The following DHRS7B variants were observed in gnomAD, a reference collection of about 807,000 sequenced individuals.
DHRS7B encodes dehydrogenase/reductase 7B, also known as peroxisomal reductase activating PPAR-gamma.
A neutral mutation model predicts 26.4 loss-of-function variants in DHRS7B; 24 were observed. That is an observed-to-expected ratio of 0.91 (90% CI 0.66 to 1.28). The LOEUF (loss-of-function observed/expected upper bound fraction) is 1.28, where lower values mean the gene tolerates loss of function less well. Among genes scored for constraint, DHRS7B ranks in the 50% most tolerant of loss-of-function variants. DHRS7B has a pLI of 0.00. For synonymous variants in DHRS7B, 142 were observed against 166.4 expected (o/e 0.85, Z 1.13); for missense variants, 368 against 419.4 (o/e 0.88, Z 1.07).
At chr17:21,172,442 G>A (rs542857674) in intron 2 of DHRS7B, 181 of 536,596 alleles carry the variant, frequency 3.4e-4, no homozygotes, top group African/African-American at 3.3e-3. Context: ...CCCCGGGGGT[G>A]GGGTGGGGTG....
At chr17:21,157,501 A>G (rs893951977) in intron 1 of DHRS7B, among the ~76,000 whole-genome samples, 1 of 152,076 alleles carries the variant, frequency 6.6e-6, no homozygotes, top group African/African-American at 2.4e-5. Flanking sequence ...ATTCAAGACC[A>G]GCTTGGGCAA....
At chr17:21,133,428 G>A (rs1973281078) in intron 1 of DHRS7B, among the ~76,000 whole-genome samples, 1 of 152,128 alleles carries the variant, frequency 6.6e-6, no homozygotes, top group South Asian at 2.1e-4. Flanking sequence ...CCCCCTTCAG[G>A]GGCTTCCAGG....
intron 1 of DHRS7B, among the ~76,000 whole-genome samples, chr17:21,147,229 G>C (rs1973660806): frequency 1.3e-5 from 2 of 152,182 alleles, no homozygotes; most frequent in Non-Finnish European, 2.9e-5. Context: ...CGCTGCCACT[G>C]TTGTAGGCCA....
At chr17:21,176,435 CTACAAAAA>C (rs780762388) in intron 2 of DHRS7B, among the ~76,000 whole-genome samples, 4 of 151,974 alleles carry the variant, frequency 2.6e-5, no homozygotes, top group Admixed American at 1.3e-4. Context: ...ATCTCCATCT[CTACAAAAA>C]TACAAAAATT....
intron 1 of DHRS7B, among the ~76,000 whole-genome samples, chr17:21,129,766 T>G (rs1252357239): frequency 1.3e-5 from 2 of 151,486 alleles, no homozygotes; most frequent in Non-Finnish European, 2.9e-5. Context: ...TGGAATGTAT[T>G]ATGGATAATA....
In DHRS7B at chr17:21,175,758, C is replaced by T. The variant is rs187708476; in HGVS notation, c.200-2475C>T. ...TTCTAGAGCAGCCTGGGCAACATGG[C>T]GAAACCTCATCTCTACAAAAGTTAG... On this transcript the variant is annotated intron_variant, in intron 2 of 6. Coordinates refer to ENST00000395511, the MANE Select transcript of DHRS7B (RefSeq NM_015510.5). 1.3e-4 allele frequency among the ~76,000 whole-genome samples: 20 copies of T among 151,916 alleles called. No individual in the cohort carries two copies. In the South Asian group the frequency reaches 1.9e-3, roughly 14 times the overall value.
rs139173260 is a variant in DHRS7B at position 21,171,048 on chromosome 17, C to CG, written c.21-962dup. Among the ~76,000 whole-genome samples the CG allele has an allele frequency of 7.1e-3, 1,072 of 151,554 alleles. 11 individuals are homozygous for CG. Among genetic ancestry groups the CG allele is most frequent in the African/African-American group, 0.022 (911 of 41,280 alleles). ...TAAACCACAGCCCTGGAGGTGGACT[C>CG]GGGGGGGGCCTTTTGTCTCATAGAC... On this transcript the variant is annotated intron_variant, in intron 1 of 6. Transcript: ENST00000395511.
At chr17:21,150,117 A>AAAAAAC (rs1567619768) in intron 1 of DHRS7B, among the ~76,000 whole-genome samples, 1 of 141,816 alleles carries the variant, frequency 7.1e-6, no homozygotes, top group African/African-American at 2.6e-5. Flanking sequence ...AAAAAAAAAA[A>AAAAAAC]AAAAAAAAAA....
chr17:21,161,834 A>T (rs1311631499), intron 1 of DHRS7B, among the ~76,000 whole-genome samples: 1 of 152,172 alleles, frequency 6.6e-6, no homozygotes, highest in Admixed American at 6.5e-5. Flanking sequence ...CAGCCTTCTC[A>T]GCTCATGACA....
At chr17:21,134,351 A>G (rs1973298861) in intron 1 of DHRS7B, among the ~76,000 whole-genome samples, 1 of 152,204 alleles carries the variant, frequency 6.6e-6, no homozygotes, top group Non-Finnish European at 1.5e-5. Context: ...AATCTCAGAT[A>G]AGACTTTCTA....
chr17:21,159,808 A>G (rs2144050097), intron 1 of DHRS7B, among the ~76,000 whole-genome samples: 1 of 130,270 alleles, frequency 7.7e-6, no homozygotes, highest in African/African-American at 2.9e-5. Context: ...CAGGAAGTTG[A>G]GGTGGCAGTG....
chr17:21,162,119 T>C (rs1974012980), intron 1 of DHRS7B, among the ~76,000 whole-genome samples: 1 of 151,902 alleles, frequency 6.6e-6, no homozygotes, highest in African/African-American at 2.4e-5. Flanking sequence ...CATGATGATT[T>C]ATCTAACTTT....
intron 1 of DHRS7B, among the ~76,000 whole-genome samples, chr17:21,144,343 A>T (rs184110738): frequency 6.6e-6 from 1 of 152,260 alleles, no homozygotes; most frequent in East Asian, 1.9e-4. Context: ...CAAATCAAAC[A>T]GAGGAAGTAA....
intron 1 of DHRS7B, chr17:21,127,297 C>T: frequency 2.5e-6 from 1 of 401,152 alleles, no homozygotes; most frequent in East Asian, 4.3e-5. Flanking sequence ...AAAGGCCTCG[C>T]GCCCACAGGG....
chr17:21,130,391 AAAATAAATAAAT>A (rs199729898), intron 1 of DHRS7B, among the ~76,000 whole-genome samples: 12 of 152,174 alleles, frequency 7.9e-5, no homozygotes, highest in African/African-American at 1.7e-4. Context: ...TCCACCTCAA[AAAATAAATAAAT>A]AAATAAATAA....
At chr17:21,182,334 C>T (rs760654144) in intron 3 of DHRS7B, among the ~76,000 whole-genome samples, 1 of 152,016 alleles carries the variant, frequency 6.6e-6, no homozygotes, top group African/African-American at 2.4e-5. Flanking sequence ...CCACAACCTC[C>T]GCCTCCCAGG....
chr17:21,140,810 A>G (rs1474137344), intron 1 of DHRS7B, among the ~76,000 whole-genome samples: 2 of 152,196 alleles, frequency 1.3e-5, no homozygotes, highest in Non-Finnish European at 2.9e-5. Flanking sequence ...TTTGGCAAGT[A>G]GAGGTGCCAT....
chr17:21,168,649 G>A (rs1455120380), intron 1 of DHRS7B: 10 of 901,332 alleles, frequency 1.1e-5, no homozygotes, highest in Non-Finnish European at 1.2e-5. Flanking sequence ...AATTACAGGC[G>A]CGAGGCACTG....
At chr17:21,138,324 C>T (rs1200207959) in intron 1 of DHRS7B, among the ~76,000 whole-genome samples, 1 of 143,952 alleles carries the variant, frequency 6.9e-6, no homozygotes, top group Non-Finnish European at 1.5e-5. Context: ...CCCGGGTTCA[C>T]ACCATTCTCC....
Sources: gnomAD v4.1 joint callset for allele counts (sites outside exome capture counted in the v4.1 genomes callset) on GRCh38, gnomAD v4.1.1 for gene constraint, MANE v1.5 for transcripts, NCBI Gene and HGNC (gene_info 2026-07-23, HGNC 2026-07-21) for gene names.